The following TNRC6A variants were observed in gnomAD, a reference collection of about 807,000 sequenced individuals.
The protein encoded by TNRC6A is trinucleotide repeat containing adaptor 6A, also known as trinucleotide repeat-containing gene 6A protein.
In TNRC6A, 44 loss-of-function variants were observed where a neutral mutation model predicts 221.2. The observed-to-expected ratio is 0.20, with a 90% CI of 0.16 to 0.26. The LOEUF (loss-of-function observed/expected upper bound fraction) is 0.26. Among genes scored for constraint, TNRC6A ranks in the 10% least tolerant of loss-of-function variants. TNRC6A has a pLI of 1.00. For missense variants in TNRC6A, 2,199 were observed against 2,404.4 expected (o/e 0.91, Z 1.79); for synonymous variants, 847 against 838.5 (o/e 1.01, Z -0.18).
chr16:24,689,678 G>A lies in TNRC6A; in HGVS notation n.402+48669G>A, dbSNP rs113799803. ...AAATTGCTGCCCTTATAGAGTGCAC[G>A]TTTTAGTGGAGGAACAGACAATAAA... On this transcript the variant is annotated intron_variant and non_coding_transcript_variant, in intron 2 of 2. Coordinates refer to the TNRC6A transcript ENST00000566108. 2.9e-4 allele frequency among the ~76,000 whole-genome samples: 44 copies of A among 149,328 alleles called. 1 individual carries two copies. The East Asian group carries it at 4.7e-3, about 16-fold the overall frequency.
Position 24,805,653 on chromosome 16 carries a change from C to T in TNRC6A, c.4171C>T (p.Pro1391Ser), listed in dbSNP as rs2058415997. The change falls in exon 15 of 25, where the codon CCA becomes TCA. Residue 1391 changes from proline (P) to serine (S), a missense_variant. By Grantham distance (74) the Pro-to-Ser change is moderately conservative (BLOSUM62 -1). This residue lies in a region of TNRC6A where 449 missense variants were observed against 579.7 expected (regional missense o/e 0.77). Transcript: ENST00000395799. ...KYAPNNGGLNPLFGPQQVAML... is the reference protein window; with the variant it reads ...KYAPNNGGLNSLFGPQQVAML... The stretch of plus-strand genomic sequence containing the variant: ...TGCACCAAACAACGGTGGCCTGAAT[C>T]CACTCTTTGGCCCTCAACAGGTAGC... 6.8e-6 allele frequency: 11 copies of T among 1,614,218 alleles called. No individual in the cohort carries two copies. Among genetic ancestry groups the T allele is most frequent in the Non-Finnish European group, 9.3e-6 (11 of 1,180,030 alleles).
chr16:24,776,776 A>G, intron 4 of TNRC6A, 157 bp from the exon 5 acceptor site: 1 of 985,422 alleles, frequency 1.0e-6, no homozygotes, highest in South Asian at 4.7e-5. Context: ...ACATCTCCTA[A>G]CAAAATTTGA....
At chr16:24,727,022 CAT>C (rs1026297492), upstream of TNRC6A, among the ~76,000 whole-genome samples, 3 of 151,154 alleles carry the variant, frequency 2.0e-5, no homozygotes, top group African/African-American at 7.3e-5. Flanking sequence ...CTGGAAATCA[CAT>C]CTTTTTTTTT....
chr16:24,789,959 C>G lies in TNRC6A; in HGVS notation c.1317C>G (p.Phe439Leu), dbSNP rs764305625. ...TAAGTGGTACACAGAAGGTTTCATT[C>G]AGTGGTCAACCTCAAAATATTACCA... ...SEVSGTQKVSFSGQPQNITTE... is the reference protein window; with the variant it reads ...SEVSGTQKVSLSGQPQNITTE... The change falls in exon 6 of 25, where the codon TTC (phenylalanine) becomes TTG (leucine). Residue 439 changes from phenylalanine to leucine, a missense_variant. Phe to Leu is a conservative substitution (Grantham distance 22, BLOSUM62 0). Transcript: ENST00000395799. The G allele has an allele frequency of 3.1e-6, 5 of 1,613,878 alleles. No homozygotes were observed.
chr16:24,772,140 G>A (rs1360988114), intron 4 of TNRC6A, among the ~76,000 whole-genome samples: 3 of 152,150 alleles, frequency 2.0e-5, no homozygotes, highest in Non-Finnish European at 2.9e-5. Flanking sequence ...GGGATAGATT[G>A]TACATAGTAT....
intron 6 of TNRC6A, 22 bp from the exon 7 acceptor site, chr16:24,793,451 T>A: frequency 7.2e-7 from 1 of 1,387,398 alleles, no homozygotes; most frequent in Non-Finnish European, 9.4e-7. Context: ...GCTGATGACT[T>A]CTTTTCCCAC....
At chr16:24,806,512 T>G in intron 16 of TNRC6A, 62 bp from the exon 17 acceptor site, 1 of 1,577,096 alleles carries the variant, frequency 6.3e-7, no homozygotes, top group Non-Finnish European at 8.7e-7. Flanking sequence ...GAGAGGAATA[T>G]GTAGTTTTCT....
At chr16:24,811,065 T>C (rs1164510274) in intron 18 of TNRC6A, among the ~76,000 whole-genome samples, 1 of 152,038 alleles carries the variant, frequency 6.6e-6, no homozygotes, top group Non-Finnish European at 1.5e-5. Context: ...TCGCCGTAAA[T>C]CATATCATTA....
chr16:24,820,336 A>G lies in TNRC6A; in HGVS notation c.5278A>G (p.Asn1760Asp). The change falls in exon 22 of 25, where the codon AAT becomes GAT. Residue 1760 changes from asparagine to aspartate, a missense_variant. Asn to Asp is a conservative substitution (Grantham distance 23, BLOSUM62 1). Transcript: ENST00000395799. Reference protein sequence around the residue: ...SPLRIGGGWGNSDARYTPGSS... With the variant: ...SPLRIGGGWGDSDARYTPGSS... Reference sequence around the variant, plus strand: ...CCTTCGTATAGGTGGAGGATGGGGAAATTCTGACGCCAGATATACCCCAGG... The same window carrying G: ...CCTTCGTATAGGTGGAGGATGGGGAGATTCTGACGCCAGATATACCCCAGG... 6.2e-7 allele frequency: 1 copy of G among 1,614,184 alleles called. No individual in the cohort carries two copies. Among genetic ancestry groups the G allele is most frequent in the Non-Finnish European group, 8.5e-7 (1 of 1,180,024 alleles).
At chr16:24,651,928 CT>C (rs1229984790) in intron 2 of TNRC6A, among the ~76,000 whole-genome samples, 4 of 145,362 alleles carry the variant, frequency 2.8e-5, no homozygotes, top group Admixed American at 2.7e-4. Flanking sequence ...GCAAGACCCC[CT>C]CTCTAAAAAA....
chr16:24,818,477 G>A, intron 20 of TNRC6A, 116 bp from the exon 21 acceptor site: 1 of 767,598 alleles, frequency 1.3e-6, no homozygotes, highest in Admixed American at 2.0e-5. Flanking sequence ...ACCCTGAGTG[G>A]ACCTGTTTCC....
chr16:24,678,073 G>A (rs112600526), intron 2 of TNRC6A, among the ~76,000 whole-genome samples: 1 of 152,234 alleles, frequency 6.6e-6, no homozygotes, highest in Non-Finnish European at 1.5e-5. Context: ...ACTTTGGGAG[G>A]CCGAGGTGGG....
At chr16:24,793,216 T>C (rs573281570) in intron 6 of TNRC6A, 27 of 272,326 alleles carry the variant, frequency 9.9e-5, no homozygotes, top group Middle Eastern at 2.1e-3. Flanking sequence ...TTTCCATAAC[T>C]ATGCAAAAAT....
At chr16:24,643,855 G>A (rs1395416371) in intron 2 of TNRC6A, among the ~76,000 whole-genome samples, 1 of 152,126 alleles carries the variant, frequency 6.6e-6, no homozygotes, top group Non-Finnish European at 1.5e-5. Flanking sequence ...TCTAAGTCCT[G>A]GGAGGAAGGA....
chr16:24,724,313 T>A (rs899106975), intron 2 of TNRC6A, among the ~76,000 whole-genome samples: 2 of 152,228 alleles, frequency 1.3e-5, no homozygotes, highest in African/African-American at 4.8e-5. Context: ...ATTACCCCCA[T>A]CTGCAAAGTG....
At chr16:24,770,341 T>C (rs2057564724) in intron 4 of TNRC6A, among the ~76,000 whole-genome samples, 1 of 152,096 alleles carries the variant, frequency 6.6e-6, no homozygotes, top group African/African-American at 2.4e-5. Context: ...ACAGATAACT[T>C]GGGGCAGGTA....
chr16:24,641,516 C>G (rs1377226663), intron 2 of TNRC6A, among the ~76,000 whole-genome samples: 1 of 152,038 alleles, frequency 6.6e-6, no homozygotes, highest in African/African-American at 2.4e-5. Context: ...TAAAGTTGGT[C>G]AGCAGTGATG....
chr16:24,772,995 C>G (rs982113962), intron 4 of TNRC6A, among the ~76,000 whole-genome samples: 1 of 151,916 alleles, frequency 6.6e-6, no homozygotes, highest in Non-Finnish European at 1.5e-5. Flanking sequence ...TATTAATTGC[C>G]GAAGGTTATT....
chr16:24,816,151 C>G (rs1015075321), intron 19 of TNRC6A: 1 of 148,534 alleles, frequency 6.7e-6, no homozygotes, highest in Admixed American at 6.8e-5. Flanking sequence ...ACGGTGAAAC[C>G]CCATCTCTAC....
Sources: allele counts gnomAD v4.1 joint callset (sites outside exome capture counted in the v4.1 genomes callset), GRCh38; gene constraint gnomAD v4.1.1; regional missense constraint gnomAD v4.1.1; transcripts MANE v1.5; gene names NCBI Gene and HGNC (gene_info 2026-07-23, HGNC 2026-07-21).